C6orf141: variants seen among roughly 807,000 people sequenced by gnomAD.
The protein encoded by C6orf141 is chromosome 6 open reading frame 141.
For missense variants in C6orf141, 361 were observed against 335.8 expected (o/e 1.07, Z -0.59); for synonymous variants, 164 against 140.5 (o/e 1.17, Z -1.18).
At chr6:49,561,446 A>T (rs10948509) in intron 4 of C6orf141, among the ~76,000 whole-genome samples, 34,582 of 152,102 alleles carry the variant, frequency 0.23, 4,875 homozygotes, top group Middle Eastern at 0.33. Flanking sequence ...TGTGTCTTCA[A>T]TCCTTATATA....
At position 49,550,690 on chromosome 6, in the gene C6orf141, G is replaced by A. The variant is rs1770207875; in HGVS notation, c.-103G>A. ...TCTAGTCTTCAGCTTTCACCGGCTG[G>A]GAGTCCGGAGCTGCAGCAGAGGCCA... On this transcript the variant is annotated 5_prime_UTR_variant, in exon 1 of 1. Coordinates refer to ENST00000529246, the MANE Select transcript of C6orf141 (RefSeq NM_001145652.2). 9.5e-7 allele frequency: 1 copy of A among 1,048,864 alleles called. No individual in the cohort carries two copies. The highest frequency in any genetic ancestry group is 3.5e-5 in the Admixed American group (1 of 28,580). The allele number at this position is 1,048,864 out of a possible 1,614,324, so 65.0% of individuals were successfully genotyped here.
chr6:49,552,619 C>T (rs1770889732), downstream of C6orf141: 2 of 152,218 alleles, frequency 1.3e-5, no homozygotes, highest in Admixed American at 6.5e-5. Flanking sequence ...TGCCTCCTTC[C>T]CCAGTCTTCC....
chr6:49,558,835 G>T (rs186399541), intron 4 of C6orf141, among the ~76,000 whole-genome samples: 20 of 151,978 alleles, frequency 1.3e-4, no homozygotes, highest in African/African-American at 3.1e-4. Context: ...AGCCTCCCGA[G>T]TAGCTGGGAC....
chr6:49,558,426 A>C (rs918402658), intron 4 of C6orf141, among the ~76,000 whole-genome samples: 2 of 147,490 alleles, frequency 1.4e-5, no homozygotes, highest in African/African-American at 5.0e-5. Context: ...AAAAAGAGAG[A>C]GAGAGAGAGA....
At position 49,551,659 on chromosome 6, in the gene C6orf141, G is replaced by A. The variant is rs189757983; in HGVS notation, c.*132G>A. ...TGAGAGGCTGGTGCAGCGCTTCGGG[G>A]AGGCAGATTAAGAACTGTAAGCAGC... is the stretch of plus-strand genomic sequence containing the variant. On this transcript the variant is annotated 3_prime_UTR_variant, in exon 1 of 1. Transcript: ENST00000529246. The A allele has an allele frequency of 2.5e-4, 373 of 1,471,298 alleles. No homozygotes were observed. The highest frequency in any genetic ancestry group is 3.1e-4 in the Non-Finnish European group (343 of 1,114,732). 91.1% of individuals were successfully genotyped at this position (1,471,298 alleles called of 1,614,324 possible). A position where few individuals can be genotyped will look rare whatever the true frequency, so the allele number is the denominator to read the frequency against.
At chr6:49,559,112 A>G (rs1210004526) in intron 4 of C6orf141, among the ~76,000 whole-genome samples, 1 of 144,556 alleles carries the variant, frequency 6.9e-6, no homozygotes, top group Non-Finnish European at 1.5e-5. Context: ...GTTTTTACTA[A>G]GACTCTTTTC....
downstream of C6orf141, among the ~76,000 whole-genome samples, chr6:49,556,192 T>C (rs1771903048): frequency 1.3e-5 from 2 of 152,240 alleles, no homozygotes. Context: ...ATGATTCACA[T>C]TAAAGTTTGA....
downstream of C6orf141, chr6:49,554,876 G>C (rs1475617101): frequency 6.6e-6 from 1 of 152,178 alleles, no homozygotes; most frequent in Admixed American, 6.5e-5. Flanking sequence ...TTGCTTCACA[G>C]GTGTTCCTGA....
At chr6:49,554,686 T>G (rs1771452848), downstream of C6orf141, among the ~76,000 whole-genome samples, 1 of 152,146 alleles carries the variant, frequency 6.6e-6, no homozygotes, top group African/African-American at 2.4e-5. Flanking sequence ...CCGGCCTGTT[T>G]GAGTTAATTT....
At chr6:49,555,034 C>T (rs1266905907), downstream of C6orf141, 1 of 152,170 alleles carries the variant, frequency 6.6e-6, no homozygotes, top group African/African-American at 2.4e-5. Context: ...GATCTTACCT[C>T]TACTCCTCTG....
At chr6:49,558,172 G>A (rs1011055045) in intron 4 of C6orf141, among the ~76,000 whole-genome samples, 4 of 149,322 alleles carry the variant, frequency 2.7e-5, no homozygotes, top group Admixed American at 6.8e-5. Flanking sequence ...CAAAGTGCTC[G>A]GATAACAGGT....
At chr6:49,558,459 C>G (rs938223273) in intron 4 of C6orf141, among the ~76,000 whole-genome samples, 1 of 151,096 alleles carries the variant, frequency 6.6e-6, no homozygotes, top group Non-Finnish European at 1.5e-5. Flanking sequence ...CTGACCAAGT[C>G]CTGACCTTTT....
chr6:49,558,038 C>T (rs185601177), intron 4 of C6orf141, among the ~76,000 whole-genome samples: 1 of 146,290 alleles, frequency 6.8e-6, no homozygotes, highest in East Asian at 2.0e-4. Context: ...ACTACAAGTG[C>T]ATGCCGTTAC....
chr6:49,557,254 A>AAAT (rs1489435177), intron 4 of C6orf141, among the ~76,000 whole-genome samples: 10 of 152,238 alleles, frequency 6.6e-5, no homozygotes, highest in Admixed American at 1.3e-4. Context: ...CTCCATCTCA[A>AAAT]AATAATAATA....
At chr6:49,560,688 G>C (rs553605786) in intron 4 of C6orf141, 1 of 152,290 alleles carries the variant, frequency 6.6e-6, no homozygotes, top group Admixed American at 6.5e-5. Flanking sequence ...TTTTAGTAGA[G>C]ATGGGGTTTT....
downstream of C6orf141, chr6:49,552,934 T>A (rs887985542): frequency 6.6e-6 from 1 of 152,278 alleles, no homozygotes; most frequent in African/African-American, 2.4e-5. Context: ...CTTTTTCTAT[T>A]TTTTTCTTTT....
rs372275351 is a variant in C6orf141, at chr6:49,551,071, G to T, written c.279G>T (p.Leu93=). Residue 93 remains leucine (L), a synonymous_variant, in exon 1 of 1, where the codon CTG becomes CTT. Coordinates refer to ENST00000529246, the MANE Select transcript of C6orf141 (RefSeq NM_001145652.2). ...SWVREKVLFL[L]HPERWLGTRG... ...TCAGAGAGAAAGTGCTCTTTCTCCT[G>T]CACCCAGAGAGGTGGTTAGGGACTC... 1.7e-4 allele frequency: 258 copies of T among 1,551,626 alleles called. No individual in the cohort carries two copies. The African/African-American group carries it at 3.0e-3, about 18-fold the overall frequency.
chr6:49,553,616 C>G (rs1771138983), downstream of C6orf141, among the ~76,000 whole-genome samples: 1 of 152,306 alleles, frequency 6.6e-6, no homozygotes, highest in Middle Eastern at 3.4e-3. Context: ...AGTAGCATCA[C>G]TCAGCTGCCT....
chr6:49,558,074 T>G (rs1220815136), intron 4 of C6orf141, among the ~76,000 whole-genome samples: 9 of 141,390 alleles, frequency 6.4e-5, no homozygotes, highest in African/African-American at 2.4e-4. Context: ...TTTTTTTTTT[T>G]TTTTTTTTTA....
Sources: allele counts gnomAD v4.1 joint callset (sites outside exome capture counted in the v4.1 genomes callset), GRCh38; gene constraint gnomAD v4.1.1; transcripts MANE v1.5; gene names NCBI Gene and HGNC (gene_info 2026-07-23, HGNC 2026-07-21).